The following TMEM178B variants were observed in gnomAD, a reference collection of about 807,000 sequenced individuals.
TMEM178B encodes the protein transmembrane protein 178B.
A neutral mutation model predicts 31.0 loss-of-function variants in TMEM178B; 5 were observed. The ratio of observed to expected loss-of-function variants is 0.16; its 90% confidence interval spans 0.08 to 0.34. The LOEUF (loss-of-function observed/expected upper bound fraction) is 0.34, where lower values mean the gene tolerates loss of function less well. TMEM178B is among the 10% of genes least tolerant of loss of function. The pLI, the probability that TMEM178B is intolerant of heterozygous loss-of-function variation, is 1.00. For missense variants in TMEM178B, 275 were observed against 400.3 expected (o/e 0.69, Z 2.67); for synonymous variants, 164 against 164.0 (o/e 1.00, Z 0.00).
intron 2 of TMEM178B, among the ~76,000 whole-genome samples, chr7:141,246,234 A>G (rs1204321311): frequency 6.6e-6 from 1 of 152,216 alleles, no homozygotes; most frequent in East Asian, 1.9e-4. Flanking sequence ...AGCCATGCTT[A>G]TTTTAGTTCA....
chr7:141,381,777 A>C (rs1800320521), intron 2 of TMEM178B, among the ~76,000 whole-genome samples: 1 of 152,162 alleles, frequency 6.6e-6, no homozygotes, highest in Admixed American at 6.5e-5. Context: ...TTTTGCCCAC[A>C]AGGATGGTAC....
At chr7:141,166,360 C>G (rs1243123733) in intron 1 of TMEM178B, among the ~76,000 whole-genome samples, 1 of 152,198 alleles carries the variant, frequency 6.6e-6, no homozygotes, top group Non-Finnish European at 1.5e-5. Context: ...TCCTCTGTGT[C>G]GGAATCCCAA....
At chr7:141,296,818 CTTCTT>C (rs1290886492) in intron 2 of TMEM178B, among the ~76,000 whole-genome samples, 2 of 152,166 alleles carry the variant, frequency 1.3e-5, no homozygotes, top group Non-Finnish European at 2.9e-5. Flanking sequence ...CTTTTATTCT[CTTCTT>C]TTAAGATCTT....
At chr7:141,093,932 C>T (rs1473529420) in intron 1 of TMEM178B, among the ~76,000 whole-genome samples, 4 of 151,926 alleles carry the variant, frequency 2.6e-5, no homozygotes, top group Non-Finnish European at 5.9e-5. Context: ...AGACGGTGAG[C>T]AAAGACAAAT....
chr7:141,471,882 A>G lies in TMEM178B; in HGVS notation c.*1096A>G, dbSNP rs1586983510. The stretch of plus-strand genomic sequence containing the variant: ...TGTGTTTTTTTAAATTGTTTCTGGT[A>G]TAGCTGAAATTTCCAGAGGGCAGAA... On this transcript the variant is annotated 3_prime_UTR_variant, in exon 4 of 4. Coordinates refer to ENST00000565468, the MANE Select transcript of TMEM178B (RefSeq NM_001195278.2). This position sits in a 1 kb window ranked among gnomAD's most constrained non-coding sequence, Gnocchi z 4.1. The G allele has an allele frequency of 6.6e-6, 1 of 151,812 alleles. No individual in the cohort carries two copies. Among genetic ancestry groups the G allele is most frequent in the Non-Finnish European group, 1.5e-5 (1 of 68,078 alleles). The allele number at this position is 151,812 out of a possible 1,614,324, so 9.4% of individuals were successfully genotyped here.
chr7:141,402,301 G>A (rs1045066827), intron 2 of TMEM178B, among the ~76,000 whole-genome samples: 7 of 152,186 alleles, frequency 4.6e-5, no homozygotes, highest in South Asian at 2.1e-4. Flanking sequence ...AGCTCACTCC[G>A]TTTTCCCCTT....
chr7:141,103,231 C>A (rs1219812776), intron 1 of TMEM178B, among the ~76,000 whole-genome samples: 6 of 152,200 alleles, frequency 3.9e-5, no homozygotes, highest in Non-Finnish European at 8.8e-5. Flanking sequence ...CCAGTCTAGA[C>A]CTGCTGAATC....
At chr7:141,243,608 C>T (rs1031148855) in intron 2 of TMEM178B, among the ~76,000 whole-genome samples, 1 of 152,018 alleles carries the variant, frequency 6.6e-6, no homozygotes, top group African/African-American at 2.4e-5. Context: ...ACTCTCCTCG[C>T]TGGGCCTCGG....
intron 2 of TMEM178B, among the ~76,000 whole-genome samples, chr7:141,345,295 G>A (rs188098004): frequency 1.6e-3 from 245 of 152,252 alleles, no homozygotes; most frequent in Non-Finnish European, 1.7e-3. Flanking sequence ...AAGTTAGAGA[G>A]GGAGTTAATA....
At chr7:141,135,744 G>A (rs1795665563) in intron 1 of TMEM178B, among the ~76,000 whole-genome samples, 1 of 152,052 alleles carries the variant, frequency 6.6e-6, no homozygotes, top group Admixed American at 6.6e-5. Flanking sequence ...GTTCTAAGAG[G>A]GAAGCTTATA....
chr7:141,139,505 C>A (rs113576344), intron 1 of TMEM178B, among the ~76,000 whole-genome samples: 3,871 of 152,178 alleles, frequency 0.025, 176 homozygotes, highest in African/African-American at 0.089. Flanking sequence ...GACATGCCAC[C>A]ATGCCTGCCT....
intron 2 of TMEM178B, among the ~76,000 whole-genome samples, chr7:141,431,994 A>AT (rs1352578167): frequency 6.6e-6 from 1 of 152,138 alleles, no homozygotes; most frequent in African/African-American, 2.4e-5. Context: ...AGCAACAAAG[A>AT]TTTTTTAAAC....
chr7:141,280,958 G>A (rs1798348597), intron 2 of TMEM178B, among the ~76,000 whole-genome samples: 1 of 152,192 alleles, frequency 6.6e-6, no homozygotes, highest in Non-Finnish European at 1.5e-5. Flanking sequence ...TGTACAAAGT[G>A]AACTATTTCA....
At chr7:141,386,464 G>T (rs1800432355) in intron 2 of TMEM178B, among the ~76,000 whole-genome samples, 1 of 152,038 alleles carries the variant, frequency 6.6e-6, no homozygotes, top group Non-Finnish European at 1.5e-5. Flanking sequence ...TGTATTCTTG[G>T]TTTTTTGTTT....
At chr7:141,323,511 A>C (rs567058506) in intron 2 of TMEM178B, among the ~76,000 whole-genome samples, 34 of 152,198 alleles carry the variant, frequency 2.2e-4, no homozygotes, top group Non-Finnish European at 4.0e-4. Flanking sequence ...ATAGCGTATC[A>C]CTTTATGGCT....
intron 2 of TMEM178B, among the ~76,000 whole-genome samples, chr7:141,239,612 G>A (rs896109236): frequency 3.3e-5 from 5 of 152,202 alleles, no homozygotes; most frequent in African/African-American, 1.2e-4. Context: ...CCTCCGCTCT[G>A]AAGTGGGATC....
At chr7:141,454,830 C>T (rs761470227) in intron 3 of TMEM178B, among the ~76,000 whole-genome samples, 6 of 152,098 alleles carry the variant, frequency 3.9e-5, no homozygotes, top group Non-Finnish European at 7.4e-5. Context: ...TGCCTCCTTT[C>T]TGTGGTTCTT....
intron 1 of TMEM178B, among the ~76,000 whole-genome samples, chr7:141,082,790 G>A (rs1246229852): frequency 2.0e-5 from 3 of 152,210 alleles, no homozygotes; most frequent in African/African-American, 7.2e-5. Flanking sequence ...ATTGTCATGT[G>A]CAGTGGTATC....
At chr7:141,285,271 CT>C (rs1798430915) in intron 2 of TMEM178B, among the ~76,000 whole-genome samples, 1 of 150,856 alleles carries the variant, frequency 6.6e-6, no homozygotes, top group Non-Finnish European at 1.5e-5. Flanking sequence ...CTGCCTCAGC[CT>C]CCCGAGTAGC....
Sources: gnomAD v4.1 joint callset for allele counts (sites outside exome capture counted in the v4.1 genomes callset) on GRCh38, gnomAD v4.1.1 for gene constraint, Gnocchi (gnomAD v3.1) non-coding constraint, MANE v1.5 for transcripts, NCBI Gene and HGNC (gene_info 2026-07-23, HGNC 2026-07-21) for gene names.